Variants in NTNG1 observed in about 807,000 individuals in gnomAD.
NTNG1 encodes netrin-G1.
NTNG1 carries 16 observed loss-of-function variants against 54.0 expected under a neutral mutation model. The observed-to-expected ratio is 0.30, with a 90% confidence interval of 0.20 to 0.45. NTNG1 has a LOEUF of 0.45. NTNG1 is among the 20% of genes least tolerant of loss of function. The probability of loss-of-function intolerance (pLI) is 1.00; values close to 1 mark genes in which losing one functional copy is unlikely to be tolerated. For missense variants in NTNG1, 530 were observed against 678.7 expected (o/e 0.78, Z 2.43); for synonymous variants, 255 against 263.1 (o/e 0.97, Z 0.30).
intron 2 of NTNG1, among the ~76,000 whole-genome samples, chr1:107,289,459 A>G (rs1441125617): frequency 6.6e-6 from 1 of 152,184 alleles, no homozygotes; most frequent in African/African-American, 2.4e-5. Context: ...TAACAGACAG[A>G]TACTTGCCTT....
chr1:107,338,844 C>T (rs1490749854), intron 3 of NTNG1, among the ~76,000 whole-genome samples: 4 of 144,116 alleles, frequency 2.8e-5, no homozygotes, highest in Non-Finnish European at 6.1e-5. Context: ...AATAATAAAA[C>T]ACAAAGATAA....
chr1:107,229,656 T>C (rs1253652256), intron 2 of NTNG1, among the ~76,000 whole-genome samples: 1 of 152,020 alleles, frequency 6.6e-6, no homozygotes, highest in African/African-American at 2.4e-5. Flanking sequence ...ATTCCTGTAA[T>C]ATCTTATCTT....
chr1:107,476,545 T>G (rs1167482262), intron 7 of NTNG1, among the ~76,000 whole-genome samples: 2 of 152,232 alleles, frequency 1.3e-5, no homozygotes, highest in African/African-American at 2.4e-5. Context: ...CTTTTCTCAA[T>G]AAATTTCTTT....
chr1:107,378,400 C>G (rs1045124201), intron 3 of NTNG1, among the ~76,000 whole-genome samples: 2 of 152,138 alleles, frequency 1.3e-5, no homozygotes, highest in Non-Finnish European at 2.9e-5. Flanking sequence ...AACAAGTGAC[C>G]GGAATGTAAA....
chr1:107,469,456 TTTTA>T (rs1465900654), intron 7 of NTNG1, among the ~76,000 whole-genome samples: 1 of 152,092 alleles, frequency 6.6e-6, no homozygotes, highest in African/African-American at 2.4e-5. Flanking sequence ...TACAACAAAA[TTTTA>T]TTTATTTTAT....
chr1:107,423,982 C>G lies in NTNG1; in HGVS notation c.1088-6768C>G, dbSNP rs1674726147. Among the ~76,000 whole-genome samples, 5 of 152,058 alleles carry G rather than the reference C, an allele frequency of 3.3e-5. No homozygotes were observed. In the South Asian group the frequency reaches 1.0e-3, roughly 32 times the overall value. ...ATATTTTTTCAGTGCTTAGTGTATGCCAGGCAATATCTTAAGTTCTGTAGT... is the reference window on the plus strand; with the variant it reads ...ATATTTTTTCAGTGCTTAGTGTATGGCAGGCAATATCTTAAGTTCTGTAGT... On this transcript the variant is annotated intron_variant, in intron 5 of 7. Transcript: ENST00000370068.
chr1:107,351,862 A>G (rs1280251365), intron 3 of NTNG1, among the ~76,000 whole-genome samples: 2 of 152,184 alleles, frequency 1.3e-5, no homozygotes, highest in African/African-American at 2.4e-5. Context: ...TACAATTAGG[A>G]TACAAGCATT....
chr1:107,187,582 C>T (rs56343047), intron 2 of NTNG1, among the ~76,000 whole-genome samples: 7,858 of 152,220 alleles, frequency 0.052, 220 homozygotes, highest in African/African-American at 0.077. Context: ...TGCATAAACC[C>T]TTGTGGTTTC....
intron 5 of NTNG1, among the ~76,000 whole-genome samples, chr1:107,430,279 G>A (rs955155299): frequency 2.6e-5 from 4 of 152,120 alleles, no homozygotes; most frequent in African/African-American, 9.7e-5. Context: ...GTCTTGGCAT[G>A]ATGTCAGAGA....
At chr1:107,439,144 T>C (rs1182984819) in intron 7 of NTNG1, among the ~76,000 whole-genome samples, 5 of 152,156 alleles carry the variant, frequency 3.3e-5, no homozygotes, top group Admixed American at 2.6e-4. Context: ...TATTTGTTAG[T>C]GAAGCCCAAC....
At chr1:107,274,001 A>G (rs927732808) in intron 2 of NTNG1, among the ~76,000 whole-genome samples, 1 of 152,090 alleles carries the variant, frequency 6.6e-6, no homozygotes, top group African/African-American at 2.4e-5. Context: ...TTTGGAACTT[A>G]CCATTTACTA....
rs1426199113 is a variant in NTNG1 at position 107,484,639 on chromosome 1, G to A, written c.*3799G>A. On this transcript the variant is annotated 3_prime_UTR_variant, in exon 8 of 8. Transcript: ENST00000370068. ...GCTCCACAGTTCAGCTGGCCCTGTA[G>A]TTAATGCTCCCCTCACCTTCTCTTG... 1.3e-5 allele frequency among the ~76,000 whole-genome samples: 2 copies of A among 152,190 alleles called. No individual in the cohort carries two copies. The highest frequency in any genetic ancestry group is 6.5e-5 in the Admixed American group (1 of 15,272).
intron 5 of NTNG1, among the ~76,000 whole-genome samples, chr1:107,417,574 G>A (rs950554739): frequency 2.0e-5 from 3 of 151,940 alleles, no homozygotes; most frequent in Non-Finnish European, 4.4e-5. Context: ...ATTTTAACTG[G>A]CAATATTAAA....
At chr1:107,370,942 G>A (rs1447663066) in intron 3 of NTNG1, among the ~76,000 whole-genome samples, 1 of 151,918 alleles carries the variant, frequency 6.6e-6, no homozygotes, top group African/African-American at 2.4e-5. Flanking sequence ...CTTATATACT[G>A]CAACCTTGCT....
At chr1:107,189,819 TA>T (rs66974543) in intron 2 of NTNG1, among the ~76,000 whole-genome samples, 115,099 of 143,648 alleles carry the variant, frequency 0.8, 49,451 homozygotes, top group East Asian at 0.99. Flanking sequence ...AGTCAAAAGT[TA>T]AAAAAAAAAA....
At position 107,383,609 on chromosome 1, in the gene NTNG1, A is replaced by T. The variant is rs372641861; in HGVS notation, c.888-11545A>T. Among the ~76,000 whole-genome samples, 11 of 152,348 alleles carry T rather than the reference A, an allele frequency of 7.2e-5. No homozygotes were observed. In the East Asian group the frequency reaches 1.2e-3, roughly 16 times the overall value. On this transcript the variant is annotated intron_variant, in intron 3 of 7. Transcript: ENST00000370068. ...CTAGGACTATTTTATTTATCTTCAT[A>T]GCAGTCCTACATTATAGCTAATAAT...
intron 5 of NTNG1, among the ~76,000 whole-genome samples, chr1:107,412,162 G>A (rs1271963358): frequency 6.6e-6 from 1 of 151,902 alleles, no homozygotes; most frequent in Non-Finnish European, 1.5e-5. Flanking sequence ...GTGGGGTCAG[G>A]AAATTCGTAG....
chr1:107,436,143 A>G (rs1675579761), intron 6 of NTNG1, among the ~76,000 whole-genome samples: 1 of 152,264 alleles, frequency 6.6e-6, no homozygotes, highest in Admixed American at 6.5e-5. Flanking sequence ...CTAAAGGCTT[A>G]TCACAAAATG....
chr1:107,280,464 A>G (rs1448827158), intron 2 of NTNG1, among the ~76,000 whole-genome samples: 1 of 151,736 alleles, frequency 6.6e-6, no homozygotes, highest in East Asian at 1.9e-4. Context: ...TTCCAGAATT[A>G]TTTCTGTTTC....
Sources: allele counts gnomAD v4.1 joint callset (sites outside exome capture counted in the v4.1 genomes callset), GRCh38; gene constraint gnomAD v4.1.1; transcripts MANE v1.5; gene names NCBI Gene and HGNC (gene_info 2026-07-23, HGNC 2026-07-21).